USP47: variants seen among roughly 807,000 people sequenced by gnomAD.
The protein encoded by USP47 is ubiquitin carboxyl-terminal hydrolase 47.
In USP47, 35 loss-of-function variants were observed where a neutral mutation model predicts 165.1. The observed-to-expected ratio is 0.21, with a 90% CI of 0.16 to 0.28. The LOEUF is 0.28. Among genes scored for constraint, USP47 ranks in the 10% least tolerant of loss-of-function variants. The pLI, the probability that USP47 is intolerant of heterozygous loss-of-function variation, is 1.00. For missense variants in USP47, 1,277 were observed against 1,607.4 expected, an observed-to-expected ratio of 0.79 and a Z score of 3.52; for synonymous variants, 531 against 544.5, an observed-to-expected ratio of 0.98 and a Z score of 0.35.
chr11:11,842,583 G>A (rs1329252638), intron 1 of USP47, among the ~76,000 whole-genome samples: 2 of 152,206 alleles, frequency 1.3e-5, no homozygotes, highest in Non-Finnish European at 2.9e-5. Flanking sequence ...AGTTGCCTAT[G>A]GGCACGGCAG....
rs968301350 is a variant in USP47 at position 11,960,576 on chromosome 11, A to G, written c.*4401A>G. 2.2e-4 allele frequency among the ~76,000 whole-genome samples: 33 copies of G among 152,224 alleles called. No individual in the cohort carries two copies. The highest frequency in any genetic ancestry group is 7.7e-4 in the African/African-American group (32 of 41,458). Reference sequence around the variant, plus strand: ...CCTCAGAAGTTTCAGCCAAGGGAATAAAATCTAACCTCTCCTCCCTCAACG... The same window carrying G: ...CCTCAGAAGTTTCAGCCAAGGGAATGAAATCTAACCTCTCCTCCCTCAACG... On this transcript the variant is annotated 3_prime_UTR_variant, in exon 28 of 28. Coordinates refer to ENST00000527733, the MANE Select transcript of USP47 (RefSeq NM_001282659.2).
rs1848913132 is a variant in USP47, at chr11:11,854,449, G to A, written c.39+12225G>A. On this transcript the variant is annotated intron_variant, in intron 1 of 27. Coordinates refer to ENST00000527733, the MANE Select transcript of USP47 (RefSeq NM_001282659.2). Reference sequence around the variant, plus strand: ...TCTAAGTACCTCCTAGCATTGGTGGGAAGATTAAATGAGTTAATACATGTA... The same window carrying A: ...TCTAAGTACCTCCTAGCATTGGTGGAAAGATTAAATGAGTTAATACATGTA... Among the ~76,000 whole-genome samples the A allele has an allele frequency of 2.7e-5, 4 of 146,494 alleles. 1 individual carries two copies. In the Admixed American group the frequency reaches 2.7e-4, roughly 10 times the overall value.
chr11:11,879,711 A>G (rs1389256750), intron 1 of USP47, among the ~76,000 whole-genome samples: 2 of 152,078 alleles, frequency 1.3e-5, no homozygotes, highest in Non-Finnish European at 2.9e-5. Context: ...CCTTAGTTAT[A>G]GATTTTTTAA....
At chr11:11,848,917 C>T (rs991499970) in intron 1 of USP47, among the ~76,000 whole-genome samples, 20 of 148,556 alleles carry the variant, frequency 1.3e-4, no homozygotes, top group African/African-American at 4.7e-4. Flanking sequence ...CCGAAACTAG[C>T]GTTTTTATAG....
In USP47 at chr11:11,854,207, G is replaced by A. The variant is rs1273737012; in HGVS notation, c.39+11983G>A. ...AAAATTCTCCTCTTTCAACCTGATT[G>A]CATATTCTTAATCCTAAAATCCTAC... is the stretch of plus-strand genomic sequence containing the variant. On this transcript the variant is annotated intron_variant, in intron 1 of 27. Transcript: ENST00000527733. Among the ~76,000 whole-genome samples the A allele has an allele frequency of 1.4e-5, 2 of 144,856 alleles. 1 individual carries two copies. The highest frequency in any genetic ancestry group is 3.1e-5 in the Non-Finnish European group (2 of 65,066).
intron 1 of USP47, among the ~76,000 whole-genome samples, chr11:11,871,793 G>T (rs1850084820): frequency 6.6e-6 from 1 of 152,090 alleles, no homozygotes; most frequent in African/African-American, 2.4e-5. Context: ...CAGGGAGATT[G>T]CTGGACTCCA....
chr11:11,874,058 G>A (rs1850237313), intron 1 of USP47, among the ~76,000 whole-genome samples: 2 of 152,050 alleles, frequency 1.3e-5, no homozygotes, highest in African/African-American at 4.8e-5. Context: ...TAGTGAATGA[G>A]GGAGAAAAAA....
At chr11:11,906,473 T>C (rs1480238235) in intron 8 of USP47, among the ~76,000 whole-genome samples, 1 of 152,202 alleles carries the variant, frequency 6.6e-6, no homozygotes, top group African/African-American at 2.4e-5. Flanking sequence ...TCCTCTGGCC[T>C]CTAGGATGAT....
chr11:11,907,515 A>C (rs1160879623), intron 8 of USP47, among the ~76,000 whole-genome samples: 1 of 152,248 alleles, frequency 6.6e-6, no homozygotes, highest in Non-Finnish European at 1.5e-5. Context: ...ATTTAAATCT[A>C]TAACCTAACT....
chr11:11,933,453 T>G (rs1437230683), intron 15 of USP47, among the ~76,000 whole-genome samples: 1 of 152,126 alleles, frequency 6.6e-6, no homozygotes, highest in Non-Finnish European at 1.5e-5. Flanking sequence ...TTAATATAAT[T>G]TCTCTTATGG....
rs768629120 is a variant in USP47, at chr11:11,922,727, TCTC to T, written c.1226_1228del (p.Pro409del). On this transcript the variant is annotated inframe_deletion, in exon 11 of 28. Coordinates refer to ENST00000527733, the MANE Select transcript of USP47 (RefSeq NM_001282659.2). ...AAGATAATTATGTCTTATTAAGAAA[TCTC>T]CTCAGACTGAAAGTTGCACTGACAG... 17 of 1,607,326 alleles carry T rather than the reference TCTC, an allele frequency of 1.1e-5. No individual in the cohort carries two copies. In the African/African-American group the frequency reaches 1.1e-4, roughly 10 times the overall value.
intron 20 of USP47, 35 bp downstream of exon 20, chr11:11,943,147 A>G (rs746167035): frequency 1.3e-6 from 2 of 1,558,676 alleles, no homozygotes; most frequent in South Asian, 2.4e-5. Flanking sequence ...TCCTTGAAAC[A>G]GCATCAGTTT....
chr11:11,950,113 T>G, intron 23 of USP47, 109 bp downstream of exon 23: 1 of 865,336 alleles, frequency 1.2e-6, no homozygotes, highest in Non-Finnish European at 1.7e-6. Context: ...CCTGTGCTAT[T>G]CAGAATTTTA....
rs760409818 is a variant in USP47 at position 11,943,072 on chromosome 11, A to G, written c.3051A>G (p.Glu1017=). 6.2e-7 allele frequency: 1 copy of G among 1,613,130 alleles called. No individual in the cohort carries two copies. Among genetic ancestry groups the G allele is most frequent in the Non-Finnish European group, 8.5e-7 (1 of 1,179,434 alleles). The change falls in exon 20 of 28, where the codon GAA becomes GAG. Residue 1017 remains glutamate (E), a synonymous_variant. Transcript: ENST00000527733. The part of the protein sequence containing the change: ...GEMQYMYFKA[E]PYAADEGSGE... ...TGCAGTACATGTATTTCAAAGCTGA[A>G]CCTTATGCTGCAGATGAAGGTTCTG...
At chr11:11,923,687 A>G (rs542336962) in intron 11 of USP47, among the ~76,000 whole-genome samples, 141 of 152,322 alleles carry the variant, frequency 9.3e-4, no homozygotes, top group Non-Finnish European at 1.6e-3. Context: ...GGGATTTTTA[A>G]GGCAATATTT....
Position 11,957,949 on chromosome 11 carries a change from T to C in USP47, c.*1774T>C, listed in dbSNP as rs1847280726. On this transcript the variant is annotated 3_prime_UTR_variant, in exon 28 of 28. Coordinates refer to ENST00000527733, the MANE Select transcript of USP47 (RefSeq NM_001282659.2). ...ACTGAAGTAATGTTCTGAGTTTGCA[T>C]TAGTGGGATTGGTGATGTTCTCAGA... The C allele has an allele frequency of 6.6e-6, 1 of 152,206 alleles. No homozygotes were observed. The allele number at this position is 152,206 out of a possible 1,614,324, so 9.4% of individuals were successfully genotyped here. A position where few individuals can be genotyped will look rare whatever the true frequency, so the allele number is the denominator to read the frequency against.
intron 16 of USP47, among the ~76,000 whole-genome samples, chr11:11,935,242 T>C (rs539874211): frequency 6.6e-6 from 1 of 152,200 alleles, no homozygotes; most frequent in Admixed American, 6.6e-5. Flanking sequence ...TATAAGCACA[T>C]ACAAGTGCAA....
chr11:11,861,220 A>G (rs1849363539), intron 1 of USP47, among the ~76,000 whole-genome samples: 1 of 151,994 alleles, frequency 6.6e-6, no homozygotes, highest in South Asian at 2.1e-4. Flanking sequence ...CCAGCCTCCT[A>G]AGTAGCTGGA....
In USP47 at chr11:11,859,430, G is replaced by T. The variant is rs542370624; in HGVS notation, c.39+17206G>T. Among the ~76,000 whole-genome samples the T allele has an allele frequency of 2.0e-5, 3 of 152,212 alleles. No homozygotes were observed. In the East Asian group the frequency reaches 5.8e-4, roughly 29 times the overall value. ...TTACCTTAGTTGCTTAACCTTTCTG[G>T]TATTTTTCTTCTTTCATTTGTTAAA... On this transcript the variant is annotated intron_variant, in intron 1 of 27. Transcript: ENST00000527733.
Sources: gnomAD v4.1 joint callset for allele counts (sites outside exome capture counted in the v4.1 genomes callset) on GRCh38, gnomAD v4.1.1 for gene constraint, MANE v1.5 for transcripts, NCBI Gene and HGNC (gene_info 2026-07-23, HGNC 2026-07-21) for gene names.